The following EIPR1 variants were observed in gnomAD, a reference collection of about 807,000 sequenced individuals.
The protein encoded by EIPR1 is EARP complex and GARP complex interacting protein 1.
A neutral mutation model predicts 48.1 loss-of-function variants in EIPR1; 25 were observed. The ratio of observed to expected loss-of-function variants is 0.52; its 90% CI spans 0.38 to 0.73. The LOEUF is 0.73. Ranked by LOEUF, EIPR1 falls within the 30% of genes least tolerant of loss-of-function variation. The pLI is 0.00. For missense variants in EIPR1, 415 were observed against 506.2 expected, an observed-to-expected ratio of 0.82 and a Z score of 1.73; for synonymous variants, 204 against 201.9, an observed-to-expected ratio of 1.01 and a Z score of -0.09.
intron 3 of EIPR1, among the ~76,000 whole-genome samples, chr2:3,329,853 C>T (rs1051323849): frequency 1.3e-5 from 2 of 151,914 alleles, no homozygotes; most frequent in Non-Finnish European, 2.9e-5. Context: ...GTTCCATGAC[C>T]ACTCTCTAAT....
intron 3 of EIPR1, among the ~76,000 whole-genome samples, chr2:3,271,402 G>A (rs541377547): frequency 1.6e-4 from 25 of 152,286 alleles, no homozygotes; most frequent in African/African-American, 5.8e-4. Flanking sequence ...ACTATCAGTG[G>A]CAACGACAGC....
intron 3 of EIPR1, among the ~76,000 whole-genome samples, chr2:3,322,214 G>C (rs575583574): frequency 2.0e-5 from 3 of 152,172 alleles, no homozygotes; most frequent in Non-Finnish European, 4.4e-5. Flanking sequence ...TGATGGTCAC[G>C]GTGAGGACCC....
chr2:3,190,069 G>A (rs945108356), intron 8 of EIPR1, among the ~76,000 whole-genome samples: 2 of 152,076 alleles, frequency 1.3e-5, no homozygotes, highest in African/African-American at 4.8e-5. Flanking sequence ...TGGCCCTGTG[G>A]GAGCAGCAGA....
At chr2:3,321,957 C>A (rs1423442596) in intron 3 of EIPR1, among the ~76,000 whole-genome samples, 1 of 152,230 alleles carries the variant, frequency 6.6e-6, no homozygotes, top group Non-Finnish European at 1.5e-5. Flanking sequence ...ATGATACAGG[C>A]TGCTCTTCAC....
chr2:3,280,590 G>A (rs189008534), intron 3 of EIPR1, among the ~76,000 whole-genome samples: 4 of 152,342 alleles, frequency 2.6e-5, no homozygotes, highest in East Asian at 3.9e-4. Flanking sequence ...TCAAGGCTGC[G>A]AGCAAACGAG....
intron 3 of EIPR1, among the ~76,000 whole-genome samples, chr2:3,305,385 A>G (rs1462617100): frequency 1.5e-5 from 2 of 129,602 alleles, no homozygotes; most frequent in African/African-American, 3.1e-5. Context: ...TCAGCCCTCC[A>G]CTCCCGTCCA....
chr2:3,277,471 T>C (rs1296247459), intron 3 of EIPR1, among the ~76,000 whole-genome samples: 2 of 152,232 alleles, frequency 1.3e-5, no homozygotes, highest in African/African-American at 4.8e-5. Context: ...TACCAGGTGA[T>C]GGGTGGCAAG....
intron 4 of EIPR1, among the ~76,000 whole-genome samples, chr2:3,219,628 G>A (rs996405674): frequency 1.4e-5 from 2 of 145,074 alleles, no homozygotes; most frequent in South Asian, 4.4e-4. Flanking sequence ...AGTGAGTCAG[G>A]TGCACACTCA....
intron 3 of EIPR1, among the ~76,000 whole-genome samples, chr2:3,285,019 T>A (rs1410629058): frequency 6.6e-6 from 1 of 152,116 alleles, no homozygotes; most frequent in Non-Finnish European, 1.5e-5. Flanking sequence ...ATAGTGAAAG[T>A]CAATGTCCCC....
At chr2:3,250,846 C>T (rs1666981085) in intron 4 of EIPR1, among the ~76,000 whole-genome samples, 1 of 152,204 alleles carries the variant, frequency 6.6e-6, no homozygotes, top group African/African-American at 2.4e-5. Flanking sequence ...CCCCCTTCAC[C>T]TTCCACGATG....
At chr2:3,340,904 C>G (rs571870593) in intron 2 of EIPR1, among the ~76,000 whole-genome samples, 7 of 152,054 alleles carry the variant, frequency 4.6e-5, no homozygotes, top group Admixed American at 4.6e-4. Flanking sequence ...GAAGACCAGC[C>G]TGGACAATAT....
At chr2:3,361,891 C>T (rs1337077133) in intron 1 of EIPR1, among the ~76,000 whole-genome samples, 1 of 152,268 alleles carries the variant, frequency 6.6e-6, no homozygotes, top group Non-Finnish European at 1.5e-5. Flanking sequence ...TCTGCACACC[C>T]TGCAAGGCCT....
rs574699717 is a variant in EIPR1, at chr2:3,370,961, G to A, written c.42+6687C>T. Among the ~76,000 whole-genome samples, 45 of 152,270 alleles carry A rather than the reference G, an allele frequency of 3.0e-4. No homozygotes were observed. The South Asian group carries it at 9.3e-3, about 32-fold the overall frequency. The stretch of plus-strand genomic sequence containing the variant: ...TCAGATTCACCAAAGTTGAAATGAA[G>A]GAAAAAATGTTAAGCGCAGCCAGAG... On this transcript the variant is annotated intron_variant, in intron 1 of 8. Transcript: ENST00000382125.
At chr2:3,348,078 G>T (rs1483242075) in intron 2 of EIPR1, among the ~76,000 whole-genome samples, 1 of 152,190 alleles carries the variant, frequency 6.6e-6, no homozygotes, top group African/African-American at 2.4e-5. Flanking sequence ...CGGGGGGGCT[G>T]CAGGAACAAA....
At chr2:3,341,851 A>G (rs1670261299) in intron 2 of EIPR1, among the ~76,000 whole-genome samples, 1 of 152,320 alleles carries the variant, frequency 6.6e-6, no homozygotes, top group South Asian at 2.1e-4. Flanking sequence ...TTACAGGCAG[A>G]AACGCATTAG....
chr2:3,262,850 C>T (rs1018706651), intron 3 of EIPR1, among the ~76,000 whole-genome samples: 1 of 152,184 alleles, frequency 6.6e-6, no homozygotes, highest in Non-Finnish European at 1.5e-5. Flanking sequence ...CTCAGTCATA[C>T]CCACCACGGC....
At chr2:3,239,549 C>T (rs974905117) in intron 4 of EIPR1, among the ~76,000 whole-genome samples, 1 of 152,222 alleles carries the variant, frequency 6.6e-6, no homozygotes, top group African/African-American at 2.4e-5. Flanking sequence ...ATGGACATCC[C>T]GGGTGCCTGT....
chr2:3,326,215 A>T (rs562167254), intron 3 of EIPR1, among the ~76,000 whole-genome samples: 17 of 152,186 alleles, frequency 1.1e-4, no homozygotes, highest in Non-Finnish European at 2.1e-4. Flanking sequence ...CAACTCTGAG[A>T]CAAACCTGTT....
At chr2:3,215,056 G>A (rs866027741) in intron 4 of EIPR1, among the ~76,000 whole-genome samples, 1 of 152,224 alleles carries the variant, frequency 6.6e-6, no homozygotes, top group African/African-American at 2.4e-5. Flanking sequence ...CCTTGATCCT[G>A]GACTTCCCGC....
Sources: allele counts gnomAD v4.1 joint callset (sites outside exome capture counted in the v4.1 genomes callset), GRCh38; gene constraint gnomAD v4.1.1; transcripts MANE v1.5; gene names NCBI Gene and HGNC (gene_info 2026-07-23, HGNC 2026-07-21).